Variants in TNS2 observed in about 807,000 individuals in gnomAD.
TNS2 encodes the protein tensin-2.
Under a neutral mutation model 155.7 loss-of-function variants are expected in TNS2, and 77 were observed. That is an observed-to-expected ratio of 0.49 (90% CI 0.41 to 0.60). The LOEUF (loss-of-function observed/expected upper bound fraction) is 0.60, where lower values mean the gene tolerates loss of function less well. Ranked by LOEUF, TNS2 falls within the 20% of genes least tolerant of loss-of-function variation. The probability of loss-of-function intolerance (pLI) is 0.00; values close to 1 mark genes in which losing one functional copy is unlikely to be tolerated. For synonymous variants in TNS2, 726 were observed against 763.9 expected (o/e 0.95, Z 0.82); for missense variants, 1,703 against 1,868.8 (o/e 0.91, Z 1.64).
upstream of TNS2, among the ~76,000 whole-genome samples, chr12:53,047,425 G>A (rs1943762637): frequency 6.8e-6 from 1 of 146,002 alleles, no homozygotes; most frequent in Non-Finnish European, 1.5e-5. Context: ...TCACGGCCGC[G>A]CGGGCAGTGC....
At chr12:53,052,312 T>C in intron 2 of TNS2, 143 bp from the exon 3 acceptor site, 1 of 1,028,376 alleles carries the variant, frequency 9.7e-7, no homozygotes, top group Non-Finnish European at 1.5e-6. Context: ...CTAGCCCTGC[T>C]CCTCTGCCCC....
At position 53,059,301 on chromosome 12, in the gene TNS2, G is replaced by A; in HGVS notation, c.1660G>A (p.Gly554Ser). Residue 554 changes from glycine (G) to serine (S), a missense_variant, in exon 18 of 29, where the codon GGC (glycine) becomes AGC (serine). Gly to Ser is a moderately conservative substitution (Grantham distance 56, BLOSUM62 0). Transcript: ENST00000314250. The surrounding 1 kb of genome is among the most constrained non-coding windows in gnomAD (Gnocchi z 4.7). ...AGGAGGCTGCGGAGTGGCCAGTGGGGGCCGGGGAGCTGGGCGCGAGACGGC... is the reference window on the plus strand; with the variant it reads ...AGGAGGCTGCGGAGTGGCCAGTGGGAGCCGGGGAGCTGGGCGCGAGACGGC... ...LLGGCGVASGGRGAGRETAIL... is the reference protein window; with the variant it reads ...LLGGCGVASGSRGAGRETAIL... The A allele has an allele frequency of 1.4e-6, 2 of 1,467,848 alleles. No homozygotes were observed. The highest frequency in any genetic ancestry group is 2.4e-5 in the East Asian group (1 of 41,236). The allele number at this position is 1,467,848 out of a possible 1,614,324, so 90.9% of individuals were successfully genotyped here.
In TNS2 at chr12:53,058,260, T is replaced by G. The variant is rs543768510; in HGVS notation, c.1096-56T>G. Reference sequence around the variant, plus strand: ...AGCTGTGACCAGGCAGTCCCCAGGGTGGAAGCGCAGAAGAGGACATGAGGC... The same window carrying G: ...AGCTGTGACCAGGCAGTCCCCAGGGGGGAAGCGCAGAAGAGGACATGAGGC... On this transcript the variant is annotated intron_variant, in intron 14 of 28. Coordinates refer to ENST00000314250, the MANE Select transcript of TNS2 (RefSeq NM_170754.4). 4.3e-5 allele frequency: 69 copies of G among 1,604,328 alleles called. No individual in the cohort carries two copies. The African/African-American group carries it at 8.7e-4, about 20-fold the overall frequency.
chr12:53,057,831 C>T lies in TNS2; in HGVS notation c.1017C>T (p.Val339=). Residue 339 remains valine, a splice_region_variant and synonymous_variant, in exon 13 of 29, where the codon GTC becomes GTT. Transcript: ENST00000314250. ...TGCAGCTTGTCTACACATCTGGAGT[C>T]TAGTGAGTGCTCTATTCCCAGGCCC... is the stretch of plus-strand genomic sequence containing the variant. ...QSMQLVYTSG[V]YHIAGPGPQQ... 6.2e-7 allele frequency: 1 copy of T among 1,613,932 alleles called. No individual in the cohort carries two copies. The highest frequency in any genetic ancestry group is 8.5e-7 in the Non-Finnish European group (1 of 1,180,038).
chr12:53,055,082 C>T (rs974914220), intron 7 of TNS2, 104 bp from the exon 8 acceptor site: 5 of 1,365,016 alleles, frequency 3.7e-6, no homozygotes, highest in Non-Finnish European at 5.2e-6. Flanking sequence ...CTGCGACCGG[C>T]CTGCACCTTA....
chr12:53,053,887 AGGGC>A, intron 5 of TNS2, 74 bp from the exon 6 acceptor site: 1 of 1,613,888 alleles, frequency 6.2e-7, no homozygotes, highest in Non-Finnish European at 8.5e-7. Context: ...GAAGACAAAA[AGGGC>A]ATGGCTCTGG....
rs1266908673 is a variant in TNS2, at chr12:53,062,272, TACG to T, written c.3667+28_3667+30del. On this transcript the variant is annotated intron_variant, in intron 23 of 28. Coordinates refer to ENST00000314250, the MANE Select transcript of TNS2 (RefSeq NM_170754.4). ...TGAGAAGCAGGAGCCTGGGGAAGGC[TACG>T]TTGGGTCGGTTTAGGGAGATGCCAA... The T allele has an allele frequency of 2.5e-6, 4 of 1,613,412 alleles. No homozygotes were observed. The South Asian group carries it at 4.4e-5, about 18-fold the overall frequency.
intron 21 of TNS2, 159 bp from the exon 22 acceptor site, chr12:53,061,656 C>A: frequency 2.2e-6 from 3 of 1,392,814 alleles, no homozygotes; most frequent in Middle Eastern, 2.5e-4. Flanking sequence ...ATGGTCAAAA[C>A]CCCTGTGAAC....
intron 3 of TNS2, chr12:53,053,209 G>C: frequency 1.6e-6 from 1 of 611,348 alleles, no homozygotes; most frequent in African/African-American, 1.9e-5. Context: ...TGAGCGCCAA[G>C]AGCAACAAGT....
chr12:53,059,494 G>A lies in TNS2; in HGVS notation c.1853G>A (p.Arg618Lys), dbSNP rs1199902272. 1 of 1,567,796 alleles carries A rather than the reference G, an allele frequency of 6.4e-7. No homozygotes were observed. The highest frequency in any genetic ancestry group is 8.6e-7 in the Non-Finnish European group (1 of 1,160,396). ...GYYRPEGTLE[R>K]RRLAYGGYEG... is the part of the protein sequence containing the mutation. Reference sequence around the variant, plus strand: ...TACCGGCCAGAGGGAACCCTGGAGAGGAGGCGACTGGCCTACGGGGGCTAT... The same window carrying A: ...TACCGGCCAGAGGGAACCCTGGAGAAGAGGCGACTGGCCTACGGGGGCTAT... The change falls in exon 18 of 29, where the codon AGG (arginine) becomes AAG (lysine). Residue 618 changes from arginine to lysine, a missense_variant. Coordinates refer to ENST00000314250, the MANE Select transcript of TNS2 (RefSeq NM_170754.4). The surrounding 1 kb of genome is among the most constrained non-coding windows in gnomAD (Gnocchi z 4.7).
In TNS2 at chr12:53,057,766, C is replaced by G; in HGVS notation, c.959-7C>G. The G allele has an allele frequency of 1.2e-6, 2 of 1,614,150 alleles. No homozygotes were observed. The highest frequency in any genetic ancestry group is 1.7e-6 in the Non-Finnish European group (2 of 1,180,020). ...CCCCTCCTGTGCCTTCTCCTCTGCC[C>G]CTCCAGGCTTCCAGCCCTTCCTTAA... On this transcript the variant is annotated splice_polypyrimidine_tract_variant and splice_region_variant and intron_variant, in intron 12 of 28. Transcript: ENST00000314250.
chr12:53,054,568 G>A (rs1429934491), intron 7 of TNS2, 127 bp downstream of exon 7: 1 of 1,222,392 alleles, frequency 8.2e-7, no homozygotes, highest in East Asian at 2.9e-5. Flanking sequence ...GGTGGGGTGG[G>A]GGCGGGGCCC....
rs1321348652 is a variant in TNS2 at position 53,062,891 on chromosome 12, A to G, written c.3823+194A>G. The G allele has an allele frequency of 4.3e-6, 4 of 921,198 alleles. No individual in the cohort carries two copies. In the East Asian group the frequency reaches 8.0e-5, roughly 18 times the overall value. 57.1% of individuals were successfully genotyped at this position (921,198 alleles called of 1,614,324 possible). A position where few individuals can be genotyped will look rare whatever the true frequency, so the allele number is the denominator to read the frequency against. ...TTCTCAAAGTCTCATGAACAAGACG[A>G]TCATGGGGTGGTAGCAGGGAGGCTT... On this transcript the variant is annotated intron_variant, in intron 25 of 28. Transcript: ENST00000314250.
At position 53,053,982 on chromosome 12, in the gene TNS2, G is replaced by A. The variant is rs763793918; in HGVS notation, c.318G>A (p.Leu106=). 2 of 1,614,198 alleles carry A rather than the reference G, an allele frequency of 1.2e-6. No homozygotes were observed. Among genetic ancestry groups the A allele is most frequent in the East Asian group, 4.5e-5 (2 of 44,882 alleles). ...ACCACCAGGGATCCACCAAATCTCTGAACCACTCAAAGCAGCGCAGCACTC... is the reference window on the plus strand; with the variant it reads ...ACCACCAGGGATCCACCAAATCTCTAAACCACTCAAAGCAGCGCAGCACTC... The part of the protein sequence containing the change: ...RIEHLGSTKS[L]NHSKQRSTLP... Residue 106 remains leucine (L), a synonymous_variant, in exon 6 of 29, where the codon CTG becomes CTA. Coordinates refer to ENST00000314250, the MANE Select transcript of TNS2 (RefSeq NM_170754.4).
At chr12:53,049,998 G>A, upstream of TNS2, 3 of 1,403,480 alleles carry the variant, frequency 2.1e-6, no homozygotes, top group Non-Finnish European at 2.8e-6. Context: ...TCCTGGAGCA[G>A]CGACCTGCCC....
chr12:53,055,716 G>T (rs1944126382), intron 9 of TNS2, 26 bp downstream of exon 9: 2 of 1,614,066 alleles, frequency 1.2e-6, no homozygotes, highest in African/African-American at 1.3e-5. Flanking sequence ...GGGTTCCCTG[G>T]TGCCTGGAGG....
In TNS2 at chr12:53,060,997, C is replaced by A. The variant is rs758927863; in HGVS notation, c.3091C>A (p.Pro1031Thr). Residue 1031 changes from proline to threonine, a missense_variant, in exon 20 of 29, where the codon CCC becomes ACC. Transcript: ENST00000314250. The surrounding 1 kb of genome is among the most constrained non-coding windows in gnomAD (Gnocchi z 6.1). ...RGPPDSPDGS[P>T]LTPVPSQMPW... ...CCCCCCCGACAGCCCAGATGGGTCTCCCCTCACTCCTGTGCCTTCCCAGAT... is the reference window on the plus strand; with the variant it reads ...CCCCCCCGACAGCCCAGATGGGTCTACCCTCACTCCTGTGCCTTCCCAGAT... 1.2e-6 allele frequency: 2 copies of A among 1,613,028 alleles called. No homozygotes were observed.
Position 53,063,710 on chromosome 12 carries a change from T to C in TNS2, c.4092-34T>C. 1 of 1,613,750 alleles carries C rather than the reference T, an allele frequency of 6.2e-7. No individual in the cohort carries two copies. ...CAGCTACATTCCCTTGTGGAAGGAATGTTAAGCCCCTTCCCCACCCTTTAT... is the reference window on the plus strand; with the variant it reads ...CAGCTACATTCCCTTGTGGAAGGAACGTTAAGCCCCTTCCCCACCCTTTAT... On this transcript the variant is annotated intron_variant, in intron 28 of 28. Transcript: ENST00000314250. This position sits in a 1 kb window ranked among gnomAD's most constrained non-coding sequence, Gnocchi z 5.6.
At chr12:53,055,357 T>C (rs1359508488) in intron 8 of TNS2, 121 bp downstream of exon 8, 83 of 1,226,626 alleles carry the variant, frequency 6.8e-5, no homozygotes, top group Non-Finnish European at 1.2e-6. Flanking sequence ...ACTTTCCCAC[T>C]CTCCCATGAT....
Sources: allele counts gnomAD v4.1 joint callset (sites outside exome capture counted in the v4.1 genomes callset), GRCh38; gene constraint gnomAD v4.1.1; non-coding constraint Gnocchi (gnomAD v3.1); transcripts MANE v1.5; gene names NCBI Gene and HGNC (gene_info 2026-07-23, HGNC 2026-07-21).